VAT1L: variants seen among roughly 807,000 people sequenced by gnomAD.
The protein encoded by VAT1L is vesicle amine transport 1 like.
Under a neutral mutation model 44.1 loss-of-function variants are expected in VAT1L, and 34 were observed. That is an observed-to-expected ratio of 0.77 (90% CI 0.59 to 1.03). The LOEUF (loss-of-function observed/expected upper bound fraction) is 1.03. Among genes scored for constraint, VAT1L ranks in the 50% least tolerant of loss-of-function variants. VAT1L has a pLI of 0.00. For missense variants in VAT1L, 615 were observed against 538.8 expected (o/e 1.14, Z -1.40); for synonymous variants, 253 against 202.2 (o/e 1.25, Z -2.13).
chr16:77,806,489 G>A (rs1178725744), intron 1 of VAT1L, among the ~76,000 whole-genome samples: 1 of 149,754 alleles, frequency 6.7e-6, no homozygotes, highest in African/African-American at 2.4e-5. Flanking sequence ...GATTACAGGC[G>A]TGAGCCACCA....
chr16:77,835,009 G>A lies in VAT1L; in HGVS notation c.579+9548G>A, dbSNP rs113704234. On this transcript the variant is annotated intron_variant, in intron 3 of 8. Coordinates refer to ENST00000302536, the MANE Select transcript of VAT1L (RefSeq NM_020927.3). ...GTAAGTGTTAGCTATCTTTATTATT[G>A]TTATTGTTATTACTGTTAAGTGTTG... 3.0e-3 allele frequency among the ~76,000 whole-genome samples: 462 copies of A among 152,218 alleles called. 3 individuals are homozygous for A. The highest frequency in any genetic ancestry group is 0.011 in the African/African-American group (450 of 41,526).
chr16:77,860,041 G>T (rs78585502), intron 3 of VAT1L, among the ~76,000 whole-genome samples: 9,687 of 152,222 alleles, frequency 0.064, 379 homozygotes, highest in Non-Finnish European at 0.087. Context: ...CGGACACAGA[G>T]TGTCATAGAG....
At chr16:77,900,996 G>A (rs1456693548) in intron 7 of VAT1L, among the ~76,000 whole-genome samples, 3 of 151,998 alleles carry the variant, frequency 2.0e-5, no homozygotes, top group African/African-American at 2.4e-5. Context: ...ACAGAGCAAG[G>A]GCGAGGAAGT....
intron 3 of VAT1L, among the ~76,000 whole-genome samples, chr16:77,857,646 A>G (rs2016872557): frequency 6.6e-6 from 1 of 150,462 alleles, no homozygotes; most frequent in Admixed American, 6.7e-5. Flanking sequence ...CTATTTCTCT[A>G]TTACTTATTA....
At chr16:77,866,841 TTG>T (rs1327325353) in intron 4 of VAT1L, among the ~76,000 whole-genome samples, 1 of 151,890 alleles carries the variant, frequency 6.6e-6, no homozygotes. Flanking sequence ...AAACCTTGAG[TTG>T]TGTGTACCTA....
chr16:77,815,453 T>C (rs1451573378), intron 1 of VAT1L, among the ~76,000 whole-genome samples: 1 of 152,140 alleles, frequency 6.6e-6, no homozygotes, highest in Non-Finnish European at 1.5e-5. Flanking sequence ...TTTAGAGAAA[T>C]ACCAGCCGGG....
At chr16:77,809,078 C>T (rs762325255) in intron 1 of VAT1L, among the ~76,000 whole-genome samples, 1 of 152,190 alleles carries the variant, frequency 6.6e-6, no homozygotes, top group Admixed American at 6.5e-5. Context: ...GAGCAAAGTA[C>T]ATTAGTCAAG....
intron 7 of VAT1L, among the ~76,000 whole-genome samples, chr16:77,946,279 C>CTTTTTCTTTTTTT (rs2017963665): frequency 1.4e-5 from 1 of 70,428 alleles, no homozygotes; most frequent in Non-Finnish European, 2.5e-5. Context: ...GTTACTTGTT[C>CTTTTTCTTTTTTT]TTTTTTTTTT....
At chr16:77,891,860 C>G (rs1360111358) in intron 7 of VAT1L, among the ~76,000 whole-genome samples, 2 of 152,266 alleles carry the variant, frequency 1.3e-5, no homozygotes, top group African/African-American at 4.8e-5. Flanking sequence ...ATCACCAGGT[C>G]AGGAGATCGA....
intron 1 of VAT1L, among the ~76,000 whole-genome samples, chr16:77,807,650 G>C (rs1259676731): frequency 2.6e-5 from 4 of 152,058 alleles, no homozygotes; most frequent in Admixed American, 2.6e-4. Context: ...CTGACCTATG[G>C]CATTTTCTTT....
intron 3 of VAT1L, 138 bp downstream of exon 3, chr16:77,825,599 C>A: frequency 9.9e-7 from 1 of 1,007,364 alleles, no homozygotes. Context: ...ACATGGACAG[C>A]AAAGCCCATA....
intron 5 of VAT1L, among the ~76,000 whole-genome samples, chr16:77,878,437 A>G (rs1260080696): frequency 6.6e-6 from 1 of 152,080 alleles, no homozygotes; most frequent in Non-Finnish European, 1.5e-5. Flanking sequence ...AATGTTCCCC[A>G]TACTGTTAAG....
chr16:77,887,426 G>A (rs1440498407), intron 7 of VAT1L, among the ~76,000 whole-genome samples: 1 of 152,186 alleles, frequency 6.6e-6, no homozygotes, highest in Non-Finnish European at 1.5e-5. Flanking sequence ...TGATATTCAA[G>A]GAAGATCTCA....
At chr16:77,917,234 CAG>C (rs2017561397) in intron 7 of VAT1L, among the ~76,000 whole-genome samples, 4 of 151,946 alleles carry the variant, frequency 2.6e-5, no homozygotes, top group Non-Finnish European at 5.9e-5. Flanking sequence ...AGACAAGAGA[CAG>C]GAGGTAGGAC....
chr16:77,887,925 C>T (rs144544176), intron 7 of VAT1L, among the ~76,000 whole-genome samples: 11 of 152,318 alleles, frequency 7.2e-5, no homozygotes, highest in African/African-American at 2.6e-4. Flanking sequence ...AGGCCCTGCA[C>T]TGTGTGACTC....
At chr16:77,795,505 G>C (rs1229899061) in intron 1 of VAT1L, among the ~76,000 whole-genome samples, 1 of 152,168 alleles carries the variant, frequency 6.6e-6, no homozygotes. Context: ...CTTGTTTGTA[G>C]TAGGTATTTC....
intron 3 of VAT1L, among the ~76,000 whole-genome samples, chr16:77,844,390 T>C (rs2016737324): frequency 6.6e-6 from 1 of 151,756 alleles, no homozygotes; most frequent in Non-Finnish European, 1.5e-5. Context: ...ATGTAATTAT[T>C]ACACCAGTTT....
At chr16:77,927,504 T>C (rs1323033274) in intron 7 of VAT1L, among the ~76,000 whole-genome samples, 1 of 152,184 alleles carries the variant, frequency 6.6e-6, no homozygotes, top group Non-Finnish European at 1.5e-5. Flanking sequence ...CCACTAGCTT[T>C]TGCTGTCATC....
Position 77,851,997 on chromosome 16 carries a change from TC to T in VAT1L, c.580-10749del, listed in dbSNP as rs142838302. The stretch of plus-strand genomic sequence containing the variant: ...CAGGATCAGAACTCAGGTTTTCTGT[TC>T]CTGCGTGTTCAAGGCTCCCTTCAGA... On this transcript the variant is annotated intron_variant, in intron 3 of 8. Coordinates refer to ENST00000302536, the MANE Select transcript of VAT1L (RefSeq NM_020927.3). Among the ~76,000 whole-genome samples the T allele has an allele frequency of 5.5e-3, 834 of 152,290 alleles. 6 individuals carry two copies. The highest frequency in any genetic ancestry group is 7.4e-3 in the Non-Finnish European group (502 of 68,016).
Sources: allele counts gnomAD v4.1 joint callset (sites outside exome capture counted in the v4.1 genomes callset), GRCh38; gene constraint gnomAD v4.1.1; transcripts MANE v1.5; gene names NCBI Gene and HGNC (gene_info 2026-07-23, HGNC 2026-07-21).